Variants in AKAP6 observed in about 807,000 individuals in gnomAD.
AKAP6 encodes the protein A-kinase anchoring protein 6.
In AKAP6, 58 loss-of-function variants were observed where a neutral mutation model predicts 188.5. The ratio of observed to expected loss-of-function variants is 0.31; its 90% CI spans 0.25 to 0.38. AKAP6 has a LOEUF of 0.38. Among genes scored for constraint, AKAP6 ranks in the 10% least tolerant of loss-of-function variants. The pLI is 1.00. For synonymous variants in AKAP6, 989 were observed against 998.6 expected, an observed-to-expected ratio of 0.99 and a Z score of 0.18; for missense variants, 2,710 against 2,740.0, an observed-to-expected ratio of 0.99 and a Z score of 0.24.
At chr14:32,510,068 A>G (rs940645033) in intron 2 of AKAP6, among the ~76,000 whole-genome samples, 2 of 151,962 alleles carry the variant, frequency 1.3e-5, no homozygotes, top group African/African-American at 4.8e-5. Flanking sequence ...ACTTGGCTGT[A>G]TTACTTTGTG....
chr14:32,429,261 A>C (rs1276319403), intron 1 of AKAP6, among the ~76,000 whole-genome samples: 1 of 152,248 alleles, frequency 6.6e-6, no homozygotes. Context: ...ACTTGTAAAC[A>C]AGAATTCAAA....
intron 11 of AKAP6, among the ~76,000 whole-genome samples, chr14:32,762,799 C>T (rs1313900781): frequency 6.6e-6 from 1 of 151,986 alleles, no homozygotes; most frequent in Admixed American, 6.6e-5. Flanking sequence ...ATCCTGGTTG[C>T]CCTTAATGAT....
At chr14:32,814,421 G>A (rs538420283) in intron 12 of AKAP6, among the ~76,000 whole-genome samples, 13 of 152,042 alleles carry the variant, frequency 8.6e-5, no homozygotes, top group Admixed American at 3.9e-4. Flanking sequence ...CTCCCCGCCC[G>A]CAGGCCCTGG....
At position 32,330,945 on chromosome 14, in the gene AKAP6, C is replaced by T. The variant is rs116972502; in HGVS notation, c.-35+1537C>T. On this transcript the variant is annotated intron_variant, in intron 1 of 13. Transcript: ENST00000280979. ...CAAGCACTTAGAAGCATGAATTGTT[C>T]ATTGCCTGCTTTTTTATGTCATATA... 2.6e-4 allele frequency among the ~76,000 whole-genome samples: 40 copies of T among 151,980 alleles called. 1 individual carries two copies. In the East Asian group the frequency reaches 7.2e-3, roughly 27 times the overall value.
chr14:32,493,983 A>G (rs1178017052), intron 2 of AKAP6, among the ~76,000 whole-genome samples: 1 of 151,354 alleles, frequency 6.6e-6, no homozygotes, highest in Non-Finnish European at 1.5e-5. Flanking sequence ...GGAGGTGGCC[A>G]TTGAACTGAC....
At chr14:32,348,461 C>A (rs1250625322) in intron 1 of AKAP6, among the ~76,000 whole-genome samples, 1 of 138,738 alleles carries the variant, frequency 7.2e-6, no homozygotes, top group African/African-American at 2.7e-5. Context: ...GTTGCCCAGG[C>A]TAAAGTGCAA....
At chr14:32,772,779 C>T (rs2032939704) in intron 11 of AKAP6, among the ~76,000 whole-genome samples, 1 of 152,206 alleles carries the variant, frequency 6.6e-6, no homozygotes, top group South Asian at 2.1e-4. Context: ...ACTCTGTTAA[C>T]TGTTAGAACA....
intron 4 of AKAP6, among the ~76,000 whole-genome samples, chr14:32,565,929 A>G (rs1053083251): frequency 1.3e-5 from 2 of 152,140 alleles, no homozygotes; most frequent in Non-Finnish European, 2.9e-5. Flanking sequence ...TCAGGGCTCA[A>G]TTTCCTGTGA....
At chr14:32,454,876 C>T (rs1158339257) in intron 2 of AKAP6, among the ~76,000 whole-genome samples, 102 of 74,142 alleles carry the variant, frequency 1.4e-3, no homozygotes, top group Non-Finnish European at 2.2e-3. Context: ...TCCCTCCCTC[C>T]CTCCTTCCCT....
chr14:32,443,292 G>A (rs527958609), intron 2 of AKAP6, among the ~76,000 whole-genome samples: 79 of 152,168 alleles, frequency 5.2e-4, no homozygotes, highest in African/African-American at 1.7e-3. Context: ...TACTCAGGAG[G>A]CTGAGGCAGA....
At chr14:32,754,737 T>A (rs1225586715) in intron 11 of AKAP6, among the ~76,000 whole-genome samples, 10 of 152,172 alleles carry the variant, frequency 6.6e-5, no homozygotes, top group African/African-American at 1.2e-4. Context: ...TATCTCTCCT[T>A]TATTTCTGAA....
In AKAP6 at chr14:32,665,262, C is replaced by T. The variant is rs570067407; in HGVS notation, c.2731-13049C>T. On this transcript the variant is annotated intron_variant, in intron 7 of 13. Transcript: ENST00000280979. ...AAGACTTCCCCCAACCCCCAACACACCAGTCGAAAGTTCGGCCCTCCAGAA... is the reference window on the plus strand; with the variant it reads ...AAGACTTCCCCCAACCCCCAACACATCAGTCGAAAGTTCGGCCCTCCAGAA... Among the ~76,000 whole-genome samples the T allele has an allele frequency of 6.6e-5, 10 of 152,218 alleles. No individual in the cohort carries two copies. The South Asian group carries it at 2.1e-3, about 32-fold the overall frequency.
intron 11 of AKAP6, among the ~76,000 whole-genome samples, chr14:32,764,635 A>G (rs1487494160): frequency 1.3e-5 from 2 of 152,178 alleles, no homozygotes; most frequent in Non-Finnish European, 2.9e-5. Flanking sequence ...ACCTATGGTC[A>G]GCTACTTAAC....
At chr14:32,361,484 C>T (rs1410512948) in intron 1 of AKAP6, among the ~76,000 whole-genome samples, 1 of 152,132 alleles carries the variant, frequency 6.6e-6, no homozygotes, top group Non-Finnish European at 1.5e-5. Flanking sequence ...AAGTTGGTAG[C>T]TGTTACAAAG....
chr14:32,492,782 T>C (rs948347525), intron 2 of AKAP6, among the ~76,000 whole-genome samples: 8 of 152,200 alleles, frequency 5.3e-5, no homozygotes, highest in African/African-American at 1.9e-4. Context: ...CTAAGAGATA[T>C]TCCAGTGGTC....
chr14:32,550,110 C>A (rs1883387733), intron 4 of AKAP6, among the ~76,000 whole-genome samples: 1 of 152,196 alleles, frequency 6.6e-6, no homozygotes, highest in Non-Finnish European at 1.5e-5. Flanking sequence ...CCATTCTGAG[C>A]CTTGTTTCAT....
chr14:32,646,827 A>G (rs1185175154), intron 7 of AKAP6, among the ~76,000 whole-genome samples: 1 of 152,098 alleles, frequency 6.6e-6, no homozygotes, highest in Non-Finnish European at 1.5e-5. Flanking sequence ...TGCATGAAAA[A>G]AGGGAAAAGG....
At chr14:32,578,368 G>A (rs1884821107) in intron 5 of AKAP6, among the ~76,000 whole-genome samples, 2 of 152,150 alleles carry the variant, frequency 1.3e-5, no homozygotes, top group South Asian at 4.1e-4. Flanking sequence ...AAACTGTGTG[G>A]TAGAGGATGA....
chr14:32,383,605 A>G (rs144751385), intron 1 of AKAP6, among the ~76,000 whole-genome samples: 1 of 152,326 alleles, frequency 6.6e-6, no homozygotes, highest in African/African-American at 2.4e-5. Context: ...AAATTTAAAT[A>G]TCATGAGTAA....
Sources: allele counts gnomAD v4.1 joint callset (sites outside exome capture counted in the v4.1 genomes callset), GRCh38; gene constraint gnomAD v4.1.1; transcripts MANE v1.5; gene names NCBI Gene and HGNC (gene_info 2026-07-23, HGNC 2026-07-21).